Variants in SMC1A observed in about 807,000 individuals in gnomAD.
The protein encoded by SMC1A is structural maintenance of chromosomes protein 1A.
Under a neutral mutation model 94.5 loss-of-function variants are expected in SMC1A, and 4 were observed. The ratio of observed to expected loss-of-function variants is 0.04; its 90% CI spans 0.02 to 0.10. SMC1A has a LOEUF of 0.10. Among genes scored for constraint, SMC1A ranks in the 10% least tolerant of loss-of-function variants. The pLI is 1.00. For missense variants in SMC1A, 304 were observed against 989.0 expected, an observed-to-expected ratio of 0.31 and a Z score of 9.29; for synonymous variants, 345 against 347.7, an observed-to-expected ratio of 0.99 and a Z score of 0.09.
At chrX:53,387,141 G>A (rs1394309669) in intron 19 of SMC1A, among the ~76,000 whole-genome samples, 4 of 111,185 alleles carry the variant, frequency 3.6e-5, no homozygotes, top group African/African-American at 6.5e-5. Context: ...GACTACAGGC[G>A]CCTGCCACCA....
In SMC1A at chrX:53,422,497, C is replaced by T. The variant is rs200998508; in HGVS notation, c.104G>A (p.Gly35Asp). The T allele has an allele frequency of 8.6e-7, 1 of 1,167,989 alleles. No individual in the cohort carries two copies. Among genetic ancestry groups the T allele is most frequent in the Non-Finnish European group, 1.2e-6 (1 of 856,365 alleles). Residue 35 changes from glycine to aspartate, a missense_variant, in exon 1 of 25, where the codon GGC (glycine) becomes GAC (aspartate). Gly to Asp is a moderately conservative substitution (Grantham distance 94, BLOSUM62 -1). This residue lies in a region of SMC1A where 8 missense variants were observed against 58.2 expected (regional missense o/e 0.14). Transcript: ENST00000322213. ...CGCGGCCAGGTTTATCTCACCAGAG[C>T]CATTGGGTCCAATGATGGCGGTGAA... is the stretch of plus-strand genomic sequence containing the variant. ...QRFTAIIGPN[G>D]SGKSNLMDAI...
chrX:53,402,528 G>A (rs967656792), intron 15 of SMC1A, among the ~76,000 whole-genome samples: 1 of 106,883 alleles, frequency 9.4e-6, no homozygotes, highest in African/African-American at 3.4e-5. Context: ...TGATATGTAA[G>A]CTGCTAAATA....
At chrX:53,416,638 C>T in intron 1 of SMC1A, among the ~76,000 whole-genome samples, 1 of 110,851 alleles carries the variant, frequency 9.0e-6, no homozygotes. Context: ...GATTCGCCCA[C>T]CTCGGCCTCC....
chrX:53,377,885 TGCTCGTCCATAAAG>T lies in SMC1A; in HGVS notation c.*2204_*2217del, dbSNP rs1188650509. 1 of 112,466 alleles carries T rather than the reference TGCTCGTCCATAAAG, an allele frequency of 8.9e-6. No homozygotes were observed. The highest frequency in any genetic ancestry group is 1.9e-5 in the Non-Finnish European group (1 of 53,259). The allele number at this position is 112,466 out of a possible 1,213,427, so 9.3% of individuals were successfully genotyped here. On this transcript the variant is annotated 3_prime_UTR_variant, in exon 25 of 25. Transcript: ENST00000322213. Reference sequence around the variant, plus strand: ...TGAACCAGGTCTGACCCCCGAATTGTGCTCGTCCATAAAGGCCAGCATTTGCCAAATTATGGCAC... The same window carrying T: ...TGAACCAGGTCTGACCCCCGAATTGTGCCAGCATTTGCCAAATTATGGCAC...
At chrX:53,414,916 T>C in intron 2 of SMC1A, 46 bp from the exon 3 acceptor site, 1 of 1,190,257 alleles carries the variant, frequency 8.4e-7, no homozygotes, top group South Asian at 1.8e-5. Flanking sequence ...CTCCTTCCTG[T>C]CCCAATCAAC....
chrX:53,399,847 G>T, intron 15 of SMC1A, 117 bp from the exon 16 acceptor site: 1 of 732,274 alleles, frequency 1.4e-6, no homozygotes, highest in Non-Finnish European at 2.0e-6. Context: ...GGGACCCAGA[G>T]TTACTGATTT....
intron 3 of SMC1A, among the ~76,000 whole-genome samples, chrX:53,414,511 C>T (rs1374661388): frequency 1.8e-5 from 2 of 111,617 alleles, no homozygotes; most frequent in Non-Finnish European, 3.8e-5. Context: ...GTTTAAGAAC[C>T]ACCATTGTAA....
chrX:53,382,691 G>GAA, intron 20 of SMC1A, 31 bp from the exon 21 acceptor site: 1 of 1,208,901 alleles, frequency 8.3e-7, no homozygotes, highest in Non-Finnish European at 1.1e-6. Context: ...AGACCCCTCA[G>GAA]TGCCCTGGCA....
intron 16 of SMC1A, 111 bp downstream of exon 16, chrX:53,399,478 T>C (rs2075663575): frequency 1.3e-6 from 1 of 745,695 alleles, no homozygotes; most frequent in Non-Finnish European, 2.0e-6. Context: ...TTTTTCTTAT[T>C]GATTTAGATG....
At chrX:53,409,368 A>C in intron 8 of SMC1A, 53 bp downstream of exon 8, 1 of 1,149,151 alleles carries the variant, frequency 8.7e-7, no homozygotes, top group East Asian at 3.0e-5. Flanking sequence ...GCATGTAGGT[A>C]GGGTCACAAG....
At chrX:53,383,633 A>ACAG (rs1349994599) in intron 19 of SMC1A, among the ~76,000 whole-genome samples, 2 of 112,539 alleles carry the variant, frequency 1.8e-5, no homozygotes, top group African/African-American at 6.5e-5. Context: ...GACTCCACTT[A>ACAG]CAGCTCCACA....
rs1556889651 is a variant in SMC1A at position 53,405,961 on chromosome X, G to A, written c.1546-5C>T. The A allele has an allele frequency of 3.3e-6, 4 of 1,209,715 alleles. No homozygotes were observed. The Admixed American group carries it at 6.5e-5, about 20-fold the overall frequency. Reference sequence around the variant, plus strand: ...TAGGTCAATGAGGCGGCCGTACTGAGTAAAGTAGGAAGGGAAAACTGAAGT... The same window carrying A: ...TAGGTCAATGAGGCGGCCGTACTGAATAAAGTAGGAAGGGAAAACTGAAGT... On this transcript the variant is annotated splice_polypyrimidine_tract_variant and splice_region_variant and intron_variant, in intron 9 of 24. Transcript: ENST00000322213.
chrX:53,387,007 A>AT (rs2075606895), intron 19 of SMC1A, among the ~76,000 whole-genome samples: 1 of 111,980 alleles, frequency 8.9e-6, no homozygotes, highest in African/African-American at 3.2e-5. Context: ...TAATATATAT[A>AT]TTTTTTGAGA....
chrX:53,391,476 GAGA>G (rs1458849700), intron 19 of SMC1A, among the ~76,000 whole-genome samples: 24 of 106,308 alleles, frequency 2.3e-4, no homozygotes, highest in East Asian at 5.9e-4. Flanking sequence ...AAAAAAAAAA[GAGA>G]AGAAGAAGAA....
Position 53,405,692 on chromosome X carries a change from C to T in SMC1A, c.1732-20G>A, listed in dbSNP as rs782334083. 1 of 1,211,061 alleles carries T rather than the reference C, an allele frequency of 8.3e-7. No homozygotes were observed. Among genetic ancestry groups the T allele is most frequent in the East Asian group, 3.0e-5 (1 of 33,834 alleles). On this transcript the variant is annotated intron_variant, in intron 10 of 24. Coordinates refer to ENST00000322213, the MANE Select transcript of SMC1A (RefSeq NM_006306.4). The stretch of plus-strand genomic sequence containing the variant: ...CTTCACCTGTGGGGAGAAGCTCAGT[C>T]AGTGGCAGAACACAAACAGGGAGTA...
rs782430751 is a variant in SMC1A at position 53,409,522 on chromosome X, A to C, written c.1255-19T>G. ...TCTTGGCCTGGGAAACAAACATTCCATCATCAGGGGCTGCACGAGTTTACG... is the reference window on the plus strand; with the variant it reads ...TCTTGGCCTGGGAAACAAACATTCCCTCATCAGGGGCTGCACGAGTTTACG... On this transcript the variant is annotated intron_variant, in intron 7 of 24. Coordinates refer to ENST00000322213, the MANE Select transcript of SMC1A (RefSeq NM_006306.4). 2 of 1,177,882 alleles carry C rather than the reference A, an allele frequency of 1.7e-6. No individual in the cohort carries two copies. The highest frequency in any genetic ancestry group is 2.2e-5 in the Admixed American group (1 of 45,939).
At position 53,409,468 on chromosome X, in the gene SMC1A, C is replaced by T. The variant is rs369057648; in HGVS notation, c.1290G>A (p.Glu430=). ...CCAGTTTCTCAATCCGCTTCTGATT[C>T]TCTTCAATTTCCCGCAGCTTTTGCT... ...KIKQKLREIE[E]NQKRIEKLEE... is the part of the protein sequence containing the mutation. The change falls in exon 8 of 25, where the codon GAG becomes GAA. Residue 430 remains glutamate, a synonymous_variant. Coordinates refer to ENST00000322213, the MANE Select transcript of SMC1A (RefSeq NM_006306.4). 9.1e-6 allele frequency: 11 copies of T among 1,210,890 alleles called. No individual in the cohort carries two copies. In the East Asian group the frequency reaches 2.4e-4, roughly 26 times the overall value.
chrX:53,383,868 CAGAGG>C (rs2075594609), intron 19 of SMC1A, among the ~76,000 whole-genome samples: 1 of 111,578 alleles, frequency 9.0e-6, no homozygotes, highest in African/African-American at 3.3e-5. Context: ...AGGGGTCTAA[CAGAGG>C]AATGCACATA....
In SMC1A at chrX:53,381,075, G is replaced by A. The variant is rs142611198; in HGVS notation, c.3450C>T (p.Ala1150=). The change falls in exon 23 of 25, where the codon GCC becomes GCT. Residue 1150 remains alanine, a synonymous_variant. Coordinates refer to ENST00000322213, the MANE Select transcript of SMC1A (RefSeq NM_006306.4). ...LLFAIHSYKP[A]PFFVLDEIDA... ...CAATCTCATCCAGGACGAAGAAGGGGGCTGGCTTGTAGCTGGGAGGGAACC... is the reference window on the plus strand; with the variant it reads ...CAATCTCATCCAGGACGAAGAAGGGAGCTGGCTTGTAGCTGGGAGGGAACC... The A allele has an allele frequency of 1.6e-3, 1,959 of 1,205,088 alleles. 5 individuals are homozygous for A. Among genetic ancestry groups the A allele is most frequent in the Middle Eastern group, 6.4e-3 (28 of 4,342 alleles).
Sources: gnomAD v4.1 joint callset for allele counts (sites outside exome capture counted in the v4.1 genomes callset) on GRCh38, gnomAD v4.1.1 for gene constraint, gnomAD v4.1.1 regional missense constraint, MANE v1.5 for transcripts, NCBI Gene and HGNC (gene_info 2026-07-23, HGNC 2026-07-21) for gene names.